Variants in CACNA2D3 observed in about 807,000 individuals in gnomAD.
The protein encoded by CACNA2D3 is voltage-dependent calcium channel subunit alpha-2/delta-3.
A neutral mutation model predicts 160.6 loss-of-function variants in CACNA2D3; 60 were observed. The ratio of observed to expected loss-of-function variants is 0.37; its 90% CI spans 0.30 to 0.46. The LOEUF is 0.46. CACNA2D3 is among the 20% of genes least tolerant of loss of function. CACNA2D3 has a pLI of 1.00. For missense variants in CACNA2D3, 1,205 were observed against 1,365.0 expected, an observed-to-expected ratio of 0.88 and a Z score of 1.85; for synonymous variants, 558 against 492.9, an observed-to-expected ratio of 1.13 and a Z score of -1.75.
In CACNA2D3 at chr3:54,123,578, C is replaced by G. The variant is rs1014738187; in HGVS notation, c.188C>G (p.Ser63Cys). 1.2e-6 allele frequency: 2 copies of G among 1,613,652 alleles called. No individual in the cohort carries two copies. Among genetic ancestry groups the G allele is most frequent in the Admixed American group, 3.3e-5 (2 of 60,014 alleles). Residue 63 changes from serine to cysteine, a missense_variant, in exon 2 of 38, where the codon TCC becomes TGC. Ser to Cys is a moderately radical substitution (Grantham distance 112). Coordinates refer to ENST00000474759, the MANE Select transcript of CACNA2D3 (RefSeq NM_018398.3). ...IKSIAAKYSGSQLLQKKYKEY... is the reference protein window; with the variant it reads ...IKSIAAKYSGCQLLQKKYKEY... ...TCCATTGCTGCTAAGTACTCCGGTT[C>G]CCAGCTTCTGCAAAAGGTAAGGTTT...
chr3:54,145,443 G>A (rs1700008289), intron 2 of CACNA2D3, among the ~76,000 whole-genome samples: 1 of 152,176 alleles, frequency 6.6e-6, no homozygotes, highest in Non-Finnish European at 1.5e-5. Flanking sequence ...TCTAGACACT[G>A]TAAAGAATTG....
intron 31 of CACNA2D3, among the ~76,000 whole-genome samples, chr3:54,998,792 G>A (rs903984048): frequency 3.3e-5 from 5 of 152,000 alleles, no homozygotes; most frequent in Non-Finnish European, 7.4e-5. Context: ...TGTCGCCCAG[G>A]CTGGAGTGCA....
intron 2 of CACNA2D3, among the ~76,000 whole-genome samples, chr3:54,143,414 T>A (rs557085270): frequency 3.3e-5 from 5 of 152,252 alleles, no homozygotes; most frequent in Non-Finnish European, 4.4e-5. Flanking sequence ...CTATGGAAAA[T>A]TTTGGAAATA....
rs1458113104 is a variant in CACNA2D3, at chr3:54,871,586, C to T, written c.1674C>T (p.Asp558=). The change falls in exon 18 of 38, where the codon GAC becomes GAT. Residue 558 remains aspartate, a synonymous_variant. Coordinates refer to ENST00000474759, the MANE Select transcript of CACNA2D3 (RefSeq NM_018398.3). The part of the protein sequence containing the change: ...KRRKPNYSSV[D]LSEVEWEDRD... ...GGAAACCTAACTATAGTAGCGTTGA[C>T]CTCTCTGAGGTGGAGTGGGAAGACC... 6.2e-7 allele frequency: 1 copy of T among 1,613,610 alleles called. No homozygotes were observed.
intron 3 of CACNA2D3, among the ~76,000 whole-genome samples, chr3:54,375,499 A>G (rs1449330): frequency 0.25 from 38,294 of 151,960 alleles, 4,930 homozygotes; most frequent in Middle Eastern, 0.32. Context: ...AGAGTGACCA[A>G]TGAGGGGCAG....
chr3:54,660,834 A>C (rs1222856956), intron 11 of CACNA2D3, among the ~76,000 whole-genome samples: 1 of 152,128 alleles, frequency 6.6e-6, no homozygotes, highest in Non-Finnish European at 1.5e-5. Flanking sequence ...CTCCACGTGA[A>C]AGTGGAGCTC....
intron 11 of CACNA2D3, among the ~76,000 whole-genome samples, chr3:54,717,249 T>A (rs1701067430): frequency 6.6e-6 from 1 of 152,182 alleles, no homozygotes; most frequent in South Asian, 2.1e-4. Flanking sequence ...GTAGACTCTT[T>A]CCAGTTTTAG....
intron 13 of CACNA2D3, among the ~76,000 whole-genome samples, chr3:54,795,082 C>CA (rs2106656702): frequency 6.6e-6 from 1 of 151,940 alleles, no homozygotes; most frequent in South Asian, 2.1e-4. Context: ...TATTTTTCAA[C>CA]TTTTTTTTCT....
intron 9 of CACNA2D3, among the ~76,000 whole-genome samples, chr3:54,618,375 G>GCGCACA (rs371335711): frequency 3.5e-5 from 4 of 115,514 alleles, no homozygotes; most frequent in African/African-American, 1.0e-4. Context: ...ATATATATAT[G>GCGCACA]CACACACACA....
chr3:54,482,615 G>A (rs367654300), intron 4 of CACNA2D3, among the ~76,000 whole-genome samples: 1 of 152,166 alleles, frequency 6.6e-6, no homozygotes, highest in South Asian at 2.1e-4. Context: ...CTCACCCAGT[G>A]CCCACCTGCA....
chr3:54,742,424 TAATAAATA>T (rs543803190), intron 11 of CACNA2D3, among the ~76,000 whole-genome samples: 1 of 151,720 alleles, frequency 6.6e-6, no homozygotes, highest in Admixed American at 6.6e-5. Context: ...TCTCAAAAAA[TAATAAATA>T]AATAAATAAA....
At chr3:54,458,182 A>T (rs1172895621) in intron 4 of CACNA2D3, among the ~76,000 whole-genome samples, 1 of 151,976 alleles carries the variant, frequency 6.6e-6, no homozygotes, top group Non-Finnish European at 1.5e-5. Context: ...ATTGCTTATC[A>T]TTGCAGTTTG....
At chr3:54,572,099 G>C (rs746165955) in intron 8 of CACNA2D3, among the ~76,000 whole-genome samples, 1 of 151,620 alleles carries the variant, frequency 6.6e-6, no homozygotes, top group African/African-American at 2.4e-5. Flanking sequence ...ACACCCACTT[G>C]TGTTCTCCAG....
chr3:54,446,596 C>CT (rs1392860048), intron 4 of CACNA2D3, among the ~76,000 whole-genome samples: 2 of 151,938 alleles, frequency 1.3e-5, no homozygotes, highest in African/African-American at 2.4e-5. Context: ...TTTTTGTGTC[C>CT]TTTTTTTCCC....
chr3:54,891,471 A>G (rs1362594741), intron 25 of CACNA2D3, 21 bp downstream of exon 25: 1 of 1,552,576 alleles, frequency 6.4e-7, no homozygotes, highest in Admixed American at 1.7e-5. Context: ...GGGATCCTCT[A>G]CAGGGGCCCA....
At chr3:55,044,627 C>G (rs1248557978) in intron 35 of CACNA2D3, among the ~76,000 whole-genome samples, 1 of 151,746 alleles carries the variant, frequency 6.6e-6, no homozygotes, top group Non-Finnish European at 1.5e-5. Flanking sequence ...TCTTATTGCA[C>G]TGACTGGAAC....
At chr3:54,600,457 G>T (rs1468798820) in intron 9 of CACNA2D3, among the ~76,000 whole-genome samples, 6 of 152,322 alleles carry the variant, frequency 3.9e-5, no homozygotes, top group African/African-American at 1.4e-4. Context: ...CTCTTGCTGG[G>T]TCAAGCTGGA....
At chr3:54,886,780 A>T (rs369103694) in intron 23 of CACNA2D3, among the ~76,000 whole-genome samples, 1 of 151,910 alleles carries the variant, frequency 6.6e-6, no homozygotes, top group African/African-American at 2.4e-5. Flanking sequence ...ATGTACTACA[A>T]CTTGTGTTTT....
intron 2 of CACNA2D3, among the ~76,000 whole-genome samples, chr3:54,314,677 CAT>C (rs1703823444): frequency 6.6e-6 from 1 of 152,172 alleles, no homozygotes; most frequent in Non-Finnish European, 1.5e-5. Flanking sequence ...AGCATTTTTT[CAT>C]ATGTTTCTTG....
Sources: gnomAD v4.1 joint callset for allele counts (sites outside exome capture counted in the v4.1 genomes callset) on GRCh38, gnomAD v4.1.1 for gene constraint, MANE v1.5 for transcripts, NCBI Gene and HGNC (gene_info 2026-07-23, HGNC 2026-07-21) for gene names.